GNG7: variants seen among roughly 807,000 people sequenced by gnomAD.
GNG7 encodes guanine nucleotide-binding protein G(I)/G(S)/G(O) subunit gamma-7.
A neutral mutation model predicts 4.0 loss-of-function variants in GNG7; 1 was observed. That is an observed-to-expected ratio of 0.25 (90% CI 0.09 to 1.18). The LOEUF (loss-of-function observed/expected upper bound fraction) is 1.18, where lower values mean the gene tolerates loss of function less well. Ranked by LOEUF, GNG7 falls within the 50% of genes most tolerant of loss-of-function variation. GNG7 has a pLI of 0.50. For synonymous variants in GNG7, 34 were observed against 36.9 expected, an observed-to-expected ratio of 0.92 and a Z score of 0.29; for missense variants, 86 against 91.9, an observed-to-expected ratio of 0.94 and a Z score of 0.26.
chr19:2,579,716 G>A (rs1980447463), intron 2 of GNG7, among the ~76,000 whole-genome samples: 1 of 152,152 alleles, frequency 6.6e-6, no homozygotes, highest in African/African-American at 2.4e-5. Flanking sequence ...CCACGGACAG[G>A]GGCTTTTCTG....
At position 2,514,792 on chromosome 19, in the gene GNG7, C is replaced by G; in HGVS notation, c.*230G>C. 2 of 427,936 alleles carry G rather than the reference C, an allele frequency of 4.7e-6. No homozygotes were observed. The highest frequency in any genetic ancestry group is 3.8e-5 in the Admixed American group (1 of 26,256). 26.5% of individuals were successfully genotyped at this position (427,936 alleles called of 1,614,324 possible). ...GCCCAAACTGAGAGGGCCATGGGGT[C>G]GGACCTGAAAATTCATCTCCACCTA... is the stretch of plus-strand genomic sequence containing the variant. On this transcript the variant is annotated 3_prime_UTR_variant, in exon 5 of 5. Transcript: ENST00000382159.
intron 3 of GNG7, among the ~76,000 whole-genome samples, chr19:2,529,434 T>C (rs1253338573): frequency 6.6e-6 from 1 of 152,076 alleles, no homozygotes; most frequent in Non-Finnish European, 1.5e-5. Context: ...GCCAGGCTGG[T>C]CTCGAACTCC....
At chr19:2,568,407 T>C (rs62646520) in intron 2 of GNG7, among the ~76,000 whole-genome samples, 68,985 of 144,628 alleles carry the variant, frequency 0.48, 15,997 homozygotes, top group Admixed American at 0.57. Context: ...CACACACACA[T>C]ATACACATAG....
intron 2 of GNG7, among the ~76,000 whole-genome samples, chr19:2,575,727 G>GCACGCACACGCAGACA (rs1980301768): frequency 1.8e-5 from 1 of 55,726 alleles, no homozygotes. Flanking sequence ...ACGCAGACAC[G>GCACGCACACGCAGACA]CAGGCACACG....
intron 3 of GNG7, among the ~76,000 whole-genome samples, chr19:2,549,117 G>T (rs1979230004): frequency 6.6e-6 from 1 of 152,104 alleles, no homozygotes; most frequent in South Asian, 2.1e-4. Context: ...AAACTGTCAG[G>T]ACCCCCGGAG....
At chr19:2,575,569 ACG>A (rs1490018334) in intron 2 of GNG7, among the ~76,000 whole-genome samples, 2 of 81,030 alleles carry the variant, frequency 2.5e-5, no homozygotes, top group African/African-American at 1.3e-4. Context: ...ACGCAGGCAC[ACG>A]CAGACACGCA....
intron 2 of GNG7, among the ~76,000 whole-genome samples, chr19:2,602,408 T>A (rs992044463): frequency 6.6e-6 from 1 of 152,190 alleles, no homozygotes; most frequent in Non-Finnish European, 1.5e-5. Context: ...CTGGCTCCCC[T>A]GTACCCACCC....
chr19:2,622,375 G>A (rs1386778136), intron 2 of GNG7, among the ~76,000 whole-genome samples: 1 of 152,234 alleles, frequency 6.6e-6, no homozygotes, highest in African/African-American at 2.4e-5. Context: ...CACCGCGCCC[G>A]GCTCCTGGTG....
chr19:2,658,995 A>C lies in GNG7; in HGVS notation c.-134-12715T>G, dbSNP rs537516292. ...TGATTTTTTTTTTTTTTTGAAATGG[A>C]GTCTCGCTCTGTCACCCAGGCTGGA... On this transcript the variant is annotated intron_variant, in intron 1 of 4. Transcript: ENST00000382159. Among the ~76,000 whole-genome samples, 8 of 147,672 alleles carry C rather than the reference A, an allele frequency of 5.4e-5. 1 individual carries two copies. Among genetic ancestry groups the C allele is most frequent in the African/African-American group, 2.0e-4 (8 of 39,398 alleles).
At chr19:2,654,011 C>G (rs1982896502) in intron 1 of GNG7, among the ~76,000 whole-genome samples, 1 of 152,204 alleles carries the variant, frequency 6.6e-6, no homozygotes. Flanking sequence ...CACAGATGCT[C>G]TCCTCCAAAC....
chr19:2,696,304 AAG>A (rs1568287857), intron 1 of GNG7, among the ~76,000 whole-genome samples: 2 of 127,170 alleles, frequency 1.6e-5, no homozygotes, highest in Non-Finnish European at 3.4e-5. Context: ...GAAAGAAAGA[AAG>A]AAAGAAAGAA....
intron 2 of GNG7, among the ~76,000 whole-genome samples, chr19:2,621,195 A>G (rs35150881): frequency 0.15 from 22,192 of 152,100 alleles, 3,019 homozygotes; most frequent in African/African-American, 0.36. Flanking sequence ...GGAACCTCGG[A>G]AAATGACTGT....
intron 2 of GNG7, among the ~76,000 whole-genome samples, chr19:2,576,227 G>A (rs961409482): frequency 5.9e-5 from 9 of 152,256 alleles, no homozygotes; most frequent in Admixed American, 3.9e-4. Context: ...GCAGTGGGGC[G>A]GCCTCGGATG....
chr19:2,636,911 T>C (rs1982322554), intron 2 of GNG7, among the ~76,000 whole-genome samples: 1 of 151,570 alleles, frequency 6.6e-6, no homozygotes, highest in African/African-American at 2.4e-5. Context: ...TGAACCCAAC[T>C]ACGCACACCT....
intron 1 of GNG7, among the ~76,000 whole-genome samples, chr19:2,652,529 G>C (rs1216544067): frequency 6.6e-6 from 1 of 152,176 alleles, no homozygotes; most frequent in African/African-American, 2.4e-5. Context: ...TGAGGCAGGA[G>C]AATCGCTTGA....
Position 2,576,014 on chromosome 19 carries a change from GACAT to G in GNG7, c.-77-20830_-77-20827del, listed in dbSNP as rs1246814833. 2.6e-5 allele frequency among the ~76,000 whole-genome samples: 2 copies of G among 76,706 alleles called. 1 individual carries two copies. The highest frequency in any genetic ancestry group is 4.7e-5 in the Non-Finnish European group (2 of 42,136). 50.3% of individuals were successfully genotyped at this position (76,706 alleles called of 152,430 possible). On this transcript the variant is annotated intron_variant, in intron 2 of 4. Coordinates refer to ENST00000382159, the MANE Select transcript of GNG7 (RefSeq NM_052847.3). ...ACATGCTCACACTCAGGTACACGCA[GACAT>G]GCAGACACACACACAGACACACACA...
At chr19:2,552,416 G>A (rs540741461) in intron 3 of GNG7, among the ~76,000 whole-genome samples, 167 of 152,022 alleles carry the variant, frequency 1.1e-3, no homozygotes, top group African/African-American at 3.9e-3. Flanking sequence ...ACAGAGTCTC[G>A]CTCTGTTGCC....
chr19:2,606,514 G>C (rs987602963), intron 2 of GNG7, among the ~76,000 whole-genome samples: 1 of 152,010 alleles, frequency 6.6e-6, no homozygotes, highest in African/African-American at 2.4e-5. Flanking sequence ...AATTAGCTGG[G>C]TGTGGTGGTG....
At chr19:2,608,644 G>C (rs781220146) in intron 2 of GNG7, among the ~76,000 whole-genome samples, 1 of 152,176 alleles carries the variant, frequency 6.6e-6, no homozygotes, top group Admixed American at 6.5e-5. Flanking sequence ...GGTGCCTCCC[G>C]GGCAACCCCC....
Sources: gnomAD v4.1 joint callset for allele counts (sites outside exome capture counted in the v4.1 genomes callset) on GRCh38, gnomAD v4.1.1 for gene constraint, MANE v1.5 for transcripts, NCBI Gene and HGNC (gene_info 2026-07-23, HGNC 2026-07-21) for gene names.